The following TMEM106B variants were observed in gnomAD, a reference collection of about 807,000 sequenced individuals.
TMEM106B encodes the protein transmembrane protein 106B.
A neutral mutation model predicts 31.1 loss-of-function variants in TMEM106B; 15 were observed. The ratio of observed to expected loss-of-function variants is 0.48; its 90% CI spans 0.32 to 0.74. TMEM106B has a LOEUF of 0.74. Ranked by LOEUF, TMEM106B falls within the 30% of genes least tolerant of loss-of-function variation. The pLI is 0.03. For missense variants in TMEM106B, 283 were observed against 327.3 expected (o/e 0.86, Z 1.04); for synonymous variants, 126 against 112.5 (o/e 1.12, Z -0.76).
At chr7:12,217,025 G>T (rs551186761) in intron 2 of TMEM106B, among the ~76,000 whole-genome samples, 4 of 108,648 alleles carry the variant, frequency 3.7e-5, no homozygotes, top group Non-Finnish European at 7.2e-5. Flanking sequence ...TCAGGAGAGG[G>T]ATTTTTTTTT....
In TMEM106B at chr7:12,238,292, TCAAGTTGTAG is replaced by T. The variant is rs1782179124; in HGVS notation, c.*6321_*6330del. On this transcript the variant is annotated 3_prime_UTR_variant, in exon 8 of 8. Transcript: ENST00000396668. ...TTCCTCATCTGTTCAAGTTTTGGCATCAAGTTGTAGCAATTCAGTCACATCTACAGACTCC... is the reference window on the plus strand; with the variant it reads ...TTCCTCATCTGTTCAAGTTTTGGCATCAATTCAGTCACATCTACAGACTCC... 1 of 154,176 alleles carries T rather than the reference TCAAGTTGTAG, an allele frequency of 6.5e-6. No homozygotes were observed. Among genetic ancestry groups the T allele is most frequent in the Non-Finnish European group, 1.4e-5 (1 of 69,584 alleles). 9.6% of individuals were successfully genotyped at this position (154,176 alleles called of 1,614,324 possible).
chr7:12,215,222 A>G (rs921554045), intron 2 of TMEM106B, among the ~76,000 whole-genome samples, 195 bp downstream of exon 2: 18 of 152,196 alleles, frequency 1.2e-4, no homozygotes. Context: ...TAAAGCAGTA[A>G]AGAAAACCAC....
At chr7:12,222,385 G>A (rs1247976202) in intron 3 of TMEM106B, among the ~76,000 whole-genome samples, 2 of 152,022 alleles carry the variant, frequency 1.3e-5, no homozygotes, top group Non-Finnish European at 2.9e-5. Context: ...GTCCCACCAG[G>A]TTCAGTAATG....
Position 12,242,571 on chromosome 7 carries a change from T to C in TMEM106B, c.*10596T>C, listed in dbSNP as rs1320343385. 1 of 152,108 alleles carries C rather than the reference T, an allele frequency of 6.6e-6. No individual in the cohort carries two copies. Among genetic ancestry groups the C allele is most frequent in the Non-Finnish European group, 1.5e-5 (1 of 68,018 alleles). 9.4% of individuals were successfully genotyped at this position (152,108 alleles called of 1,614,324 possible). A position where few individuals can be genotyped will look rare whatever the true frequency, so the allele number is the denominator to read the frequency against. On this transcript the variant is annotated 3_prime_UTR_variant, in exon 8 of 8. Transcript: ENST00000396668. ...AATCACATTTTTCACAGAGAGTGTT[T>C]TACTGAAATATAAACTTTTATGCAT...
intron 2 of TMEM106B, 66 bp from the exon 3 acceptor site, chr7:12,218,392 T>G: frequency 7.3e-7 from 1 of 1,360,626 alleles, no homozygotes; most frequent in Non-Finnish European, 1.0e-6. Context: ...AACCAGATTG[T>G]GATGGGGAGC....
At chr7:12,212,724 C>G (rs1781604964) in intron 1 of TMEM106B, among the ~76,000 whole-genome samples, 1 of 152,162 alleles carries the variant, frequency 6.6e-6, no homozygotes, top group Non-Finnish European at 1.5e-5. Context: ...GCATCCAGCA[C>G]TGGAGCAACA....
At chr7:12,218,302 C>A (rs956423291) in intron 2 of TMEM106B, among the ~76,000 whole-genome samples, 156 bp from the exon 3 acceptor site, 1 of 147,574 alleles carries the variant, frequency 6.8e-6, no homozygotes, top group Admixed American at 6.8e-5. Flanking sequence ...TTCTCTAGAA[C>A]TTCTGCTGGA....
intron 1 of TMEM106B, among the ~76,000 whole-genome samples, chr7:12,213,429 C>A (rs2128523779): frequency 6.6e-6 from 1 of 152,252 alleles, no homozygotes; most frequent in African/African-American, 2.4e-5. Context: ...TTTTCAGAGG[C>A]TGAAACGTAC....
chr7:12,222,725 A>T (rs1368017625), intron 3 of TMEM106B, among the ~76,000 whole-genome samples: 1 of 152,204 alleles, frequency 6.6e-6, no homozygotes, highest in African/African-American at 2.4e-5. Flanking sequence ...AACTGTTTTG[A>T]TTGCTCAAGA....
At chr7:12,211,969 C>G (rs73299043) in intron 1 of TMEM106B, among the ~76,000 whole-genome samples, 18,922 of 152,168 alleles carry the variant, frequency 0.12, 1,284 homozygotes, top group African/African-American at 0.15. Context: ...ACTGAGCCCA[C>G]AGAGGTTGCA....
intron 1 of TMEM106B, among the ~76,000 whole-genome samples, chr7:12,212,125 A>G (rs960713348): frequency 5.9e-5 from 9 of 152,156 alleles, no homozygotes; most frequent in African/African-American, 2.2e-4. Flanking sequence ...CCAAACACCT[A>G]CCCTAAAGCA....
At chr7:12,222,887 G>T (rs1781815461) in intron 3 of TMEM106B, among the ~76,000 whole-genome samples, 1 of 152,166 alleles carries the variant, frequency 6.6e-6, no homozygotes, top group Admixed American at 6.5e-5. Flanking sequence ...CACTTTAATT[G>T]CTCTTGTAAT....
rs997552159 is a variant in TMEM106B, at chr7:12,240,898, A to T, written c.*8923A>T. 5 of 152,174 alleles carry T rather than the reference A, an allele frequency of 3.3e-5. No homozygotes were observed. Among genetic ancestry groups the T allele is most frequent in the African/African-American group, 1.2e-4 (5 of 41,446 alleles). 9.4% of individuals were successfully genotyped at this position (152,174 alleles called of 1,614,324 possible). On this transcript the variant is annotated 3_prime_UTR_variant, in exon 8 of 8. Coordinates refer to ENST00000396668, the MANE Select transcript of TMEM106B (RefSeq NM_001134232.2). ...GTAGTGTACAGTCACTTCTTCAGTG[A>T]TAACTTACTGAGTGTGATTCAACAA...
At chr7:12,227,668 T>G (rs1179951358) in intron 4 of TMEM106B, among the ~76,000 whole-genome samples, 2 of 152,158 alleles carry the variant, frequency 1.3e-5, no homozygotes, top group Admixed American at 1.3e-4. Context: ...TTCAGGTTAT[T>G]TCTTTAGGAT....
chr7:12,217,549 A>G (rs1206844389), intron 2 of TMEM106B, among the ~76,000 whole-genome samples: 1 of 152,160 alleles, frequency 6.6e-6, no homozygotes, highest in Non-Finnish European at 1.5e-5. Context: ...AGCTCTGTTG[A>G]TATATGCATA....
rs1041646340 is a variant in TMEM106B at position 12,235,016 on chromosome 7, C to T, written c.*3041C>T. The stretch of plus-strand genomic sequence containing the variant: ...TCATTTAAAATATATATTGGAAATC[C>T]CTGCTGACTCAGATTGGTATGATTA... On this transcript the variant is annotated 3_prime_UTR_variant, in exon 8 of 8. Coordinates refer to ENST00000396668, the MANE Select transcript of TMEM106B (RefSeq NM_001134232.2). 3.3e-5 allele frequency: 5 copies of T among 151,944 alleles called. No individual in the cohort carries two copies. The highest frequency in any genetic ancestry group is 1.2e-4 in the African/African-American group (5 of 41,364). The allele number at this position is 151,944 out of a possible 1,614,324, so 9.4% of individuals were successfully genotyped here. A position where few individuals can be genotyped will look rare whatever the true frequency, so the allele number is the denominator to read the frequency against.
In TMEM106B at chr7:12,241,047, A is replaced by G. The variant is rs1021470340; in HGVS notation, c.*9072A>G. 6 of 152,178 alleles carry G rather than the reference A, an allele frequency of 3.9e-5. No homozygotes were observed. The highest frequency in any genetic ancestry group is 7.3e-5 in the Non-Finnish European group (5 of 68,036). 9.4% of individuals were successfully genotyped at this position (152,178 alleles called of 1,614,324 possible). A position where few individuals can be genotyped will look rare whatever the true frequency, so the allele number is the denominator to read the frequency against. ...TGTAATTTCTGATTTTTAAGAAATGATTTTCCATTTTAACATACATTTTAA... is the reference window on the plus strand; with the variant it reads ...TGTAATTTCTGATTTTTAAGAAATGGTTTTCCATTTTAACATACATTTTAA... On this transcript the variant is annotated 3_prime_UTR_variant, in exon 8 of 8. Transcript: ENST00000396668.
intron 3 of TMEM106B, among the ~76,000 whole-genome samples, chr7:12,221,917 A>G (rs888170401): frequency 1.3e-5 from 2 of 152,222 alleles, no homozygotes; most frequent in African/African-American, 4.8e-5. Context: ...GAGCAGAGAG[A>G]ATAGTCCTCA....
chr7:12,223,721 C>CT (rs1781834182), intron 3 of TMEM106B, among the ~76,000 whole-genome samples: 1 of 135,526 alleles, frequency 7.4e-6, no homozygotes. Flanking sequence ...AAATGTGATT[C>CT]CTTTTTTTTT....
Sources: allele counts gnomAD v4.1 joint callset (sites outside exome capture counted in the v4.1 genomes callset), GRCh38; gene constraint gnomAD v4.1.1; transcripts MANE v1.5; gene names NCBI Gene and HGNC (gene_info 2026-07-23, HGNC 2026-07-21).